The following FAM118B variants were observed in gnomAD, a reference collection of about 807,000 sequenced individuals.
The protein encoded by FAM118B is SIR2 antiphage like 1.
In FAM118B, 24 loss-of-function variants were observed where a neutral mutation model predicts 38.5. That is an observed-to-expected ratio of 0.62 (90% CI 0.45 to 0.88). The LOEUF (loss-of-function observed/expected upper bound fraction) is 0.88, where lower values mean the gene tolerates loss of function less well. Ranked by LOEUF, FAM118B falls within the 40% of genes least tolerant of loss-of-function variation. The probability of loss-of-function intolerance (pLI) is 0.00; values close to 1 mark genes in which losing one functional copy is unlikely to be tolerated. For missense variants in FAM118B, 334 were observed against 420.0 expected (o/e 0.80, Z 1.79); for synonymous variants, 138 against 156.3 (o/e 0.88, Z 0.87).
rs551729363 is a variant in FAM118B at position 126,240,753 on chromosome 11, T to C, written c.87-39T>C. 15 of 1,558,592 alleles carry C rather than the reference T, an allele frequency of 9.6e-6. No individual in the cohort carries two copies. In the South Asian group the frequency reaches 1.2e-4, roughly 13 times the overall value. On this transcript the variant is annotated intron_variant, in intron 3 of 8. Transcript: ENST00000533050. ...AGTCTTTCTGTGTGCCTCATATCTA[T>C]TGGATATTCCAATCCTCTCATTTGT...
At chr11:126,211,780 C>G, upstream of FAM118B, 1 of 892,842 alleles carries the variant, frequency 1.1e-6, no homozygotes, top group East Asian at 2.6e-5. Flanking sequence ...CTCAGTGCGG[C>G]TGCGCCGGCC....
chr11:126,257,013 C>T (rs563198083), intron 7 of FAM118B, among the ~76,000 whole-genome samples, 161 bp downstream of exon 7: 2 of 152,278 alleles, frequency 1.3e-5, no homozygotes, highest in South Asian at 4.1e-4. Context: ...TAAAGTGCCA[C>T]TTGGATTATG....
Position 126,238,862 on chromosome 11 carries a change from C to T in FAM118B, c.87-1930C>T, listed in dbSNP as rs190316872. ...TCTGCTGTCATCTTTACCTAGCCTACTTTTTAGGTATATATACCCGCTAAA... is the reference window on the plus strand; with the variant it reads ...TCTGCTGTCATCTTTACCTAGCCTATTTTTTAGGTATATATACCCGCTAAA... On this transcript the variant is annotated intron_variant, in intron 3 of 8. Transcript: ENST00000533050. Among the ~76,000 whole-genome samples the T allele has an allele frequency of 6.0e-5, 9 of 150,712 alleles. No homozygotes were observed. The East Asian group carries it at 1.7e-3, about 29-fold the overall frequency.
intron 4 of FAM118B, among the ~76,000 whole-genome samples, chr11:126,241,870 C>A (rs1253435936): frequency 1.3e-5 from 2 of 151,822 alleles, no homozygotes; most frequent in Middle Eastern, 3.4e-3. Flanking sequence ...TCTTAAAAAT[C>A]AGGCTTCTAG....
intron 4 of FAM118B, among the ~76,000 whole-genome samples, chr11:126,248,670 CA>C (rs1388723220): frequency 6.6e-6 from 1 of 152,046 alleles, no homozygotes; most frequent in East Asian, 1.9e-4. Flanking sequence ...ACGCCCGGCC[CA>C]GACTCGCTTT....
intron 1 of FAM118B, among the ~76,000 whole-genome samples, chr11:126,217,919 C>T (rs1164884554): frequency 6.6e-6 from 1 of 152,046 alleles, no homozygotes; most frequent in Admixed American, 6.5e-5. Flanking sequence ...TCTTACGTGA[C>T]CGTATTTTGT....
chr11:126,254,953 T>G (rs1950554347), intron 6 of FAM118B, among the ~76,000 whole-genome samples: 1 of 152,232 alleles, frequency 6.6e-6, no homozygotes, highest in African/African-American at 2.4e-5. Context: ...TGTTTGTACT[T>G]AATTGACAAC....
At chr11:126,243,120 G>C (rs1326740817) in intron 4 of FAM118B, among the ~76,000 whole-genome samples, 2 of 152,208 alleles carry the variant, frequency 1.3e-5, no homozygotes, top group Non-Finnish European at 2.9e-5. Flanking sequence ...TATATTGTAT[G>C]ATTCCATTCA....
chr11:126,260,054 C>T (rs1950656337), intron 7 of FAM118B, among the ~76,000 whole-genome samples: 1 of 151,816 alleles, frequency 6.6e-6, no homozygotes, highest in African/African-American at 2.4e-5. Flanking sequence ...ATTTTTGATA[C>T]AGGGTCTTGC....
rs1230658765 is a variant in FAM118B at position 126,244,882 on chromosome 11, A to C, written c.339+3838A>C. Among the ~76,000 whole-genome samples the C allele has an allele frequency of 6.6e-6, 1 of 152,172 alleles. No individual in the cohort carries two copies. On this transcript the variant is annotated intron_variant, in intron 4 of 8. Transcript: ENST00000533050. The surrounding 1 kb of genome is among the most constrained non-coding windows in gnomAD (Gnocchi z 4.5). ...AAAGAAATGAAAGAAGATCTAAATA[A>C]ATGGAAAGACATGCCATGTTCCTGA...
At position 126,223,226 on chromosome 11, in the gene FAM118B, C is replaced by T. The variant is rs550742939; in HGVS notation, c.-76-5999C>T. Among the ~76,000 whole-genome samples, 10 of 152,182 alleles carry T rather than the reference C, an allele frequency of 6.6e-5. No homozygotes were observed. In the South Asian group the frequency reaches 1.7e-3, roughly 25 times the overall value. On this transcript the variant is annotated intron_variant, in intron 1 of 8. Transcript: ENST00000533050. ...TGGATCATGCCAGGTCTTGTAGCCA[C>T]GATGAGGAGTATGTTATTAAACACA...
rs1950179722 is a variant in FAM118B at position 126,229,285 on chromosome 11, C to T, written c.-16C>T. On this transcript the variant is annotated 5_prime_UTR_variant, in exon 2 of 9. Transcript: ENST00000533050. ...AGTGACAAAGAAAGAAGTTGTCATTCTTTGCACGGTAAAATCATCACCTCC... is the reference window on the plus strand; with the variant it reads ...AGTGACAAAGAAAGAAGTTGTCATTTTTTGCACGGTAAAATCATCACCTCC... 6.6e-6 allele frequency: 1 copy of T among 152,178 alleles called. No homozygotes were observed. Among genetic ancestry groups the T allele is most frequent in the African/African-American group, 2.4e-5 (1 of 41,446 alleles). 9.4% of individuals were successfully genotyped at this position (152,178 alleles called of 1,614,324 possible).
intron 4 of FAM118B, among the ~76,000 whole-genome samples, chr11:126,247,173 T>A (rs1325824528): frequency 1.3e-5 from 2 of 152,110 alleles, no homozygotes; most frequent in East Asian, 3.9e-4. Flanking sequence ...GCGCCTGTAG[T>A]CCTAGCCACT....
Position 126,250,634 on chromosome 11 carries a change from A to C in FAM118B, c.468A>C (p.Gly156=), listed in dbSNP as rs1950490951. The C allele has an allele frequency of 6.2e-7, 1 of 1,614,138 alleles. No homozygotes were observed. Among genetic ancestry groups the C allele is most frequent in the East Asian group, 2.2e-5 (1 of 44,876 alleles). ...LQSVLHLMEN[G]ALVLTTNFDN... is the part of the protein sequence containing the mutation. ...CAGTTCTCCACCTGATGGAAAATGG[A>C]GCCCTCGTATTAACTACAAATTTTG... The change falls in exon 5 of 9, where the codon GGA becomes GGC. Residue 156 remains glycine (G), a synonymous_variant. Coordinates refer to ENST00000533050, the MANE Select transcript of FAM118B (RefSeq NM_024556.4). This position sits in a 1 kb window ranked among gnomAD's most constrained non-coding sequence, Gnocchi z 5.1.
chr11:126,224,138 T>C (rs1950105608), intron 1 of FAM118B, among the ~76,000 whole-genome samples: 1 of 152,136 alleles, frequency 6.6e-6, no homozygotes, highest in Non-Finnish European at 1.5e-5. Context: ...GACCCCTGTC[T>C]TTGGGGGACT....
At chr11:126,254,847 A>G (rs1407472252) in intron 6 of FAM118B, among the ~76,000 whole-genome samples, 1 of 152,136 alleles carries the variant, frequency 6.6e-6, no homozygotes, top group Non-Finnish European at 1.5e-5. Context: ...AAGAAACTGG[A>G]AAGTCAGACG....
At chr11:126,259,323 G>T (rs970092486) in intron 7 of FAM118B, among the ~76,000 whole-genome samples, 17 of 151,966 alleles carry the variant, frequency 1.1e-4, no homozygotes, top group African/African-American at 4.1e-4. Flanking sequence ...GTCTTCAAAG[G>T]ATTCTATAGT....
intron 1 of FAM118B, among the ~76,000 whole-genome samples, chr11:126,212,244 C>T (rs1949891796): frequency 6.6e-6 from 1 of 152,218 alleles, no homozygotes; most frequent in Non-Finnish European, 1.5e-5. Context: ...ATCCAGGGCC[C>T]CCAGCACCTA....
chr11:126,219,118 C>T (rs907724671), intron 1 of FAM118B, among the ~76,000 whole-genome samples: 1 of 152,140 alleles, frequency 6.6e-6, no homozygotes, highest in Non-Finnish European at 1.5e-5. Context: ...ATGCTTATCT[C>T]CTGCACCTCA....
Sources: allele counts gnomAD v4.1 joint callset (sites outside exome capture counted in the v4.1 genomes callset), GRCh38; gene constraint gnomAD v4.1.1; non-coding constraint Gnocchi (gnomAD v3.1); transcripts MANE v1.5; gene names NCBI Gene and HGNC (gene_info 2026-07-23, HGNC 2026-07-21).